ARHGAP39: variants seen among roughly 807,000 people sequenced by gnomAD.
ARHGAP39 encodes rho GTPase-activating protein 39.
In ARHGAP39, 44 loss-of-function variants were observed where a neutral mutation model predicts 106.9. The observed-to-expected ratio is 0.41, with a 90% confidence interval of 0.32 to 0.53. ARHGAP39 has a LOEUF of 0.53. ARHGAP39 is among the 20% of genes least tolerant of loss of function. The pLI, the probability that ARHGAP39 is intolerant of heterozygous loss-of-function variation, is 0.21. For synonymous variants in ARHGAP39, 768 were observed against 693.2 expected, an observed-to-expected ratio of 1.11 and a Z score of -1.69; for missense variants, 1,496 against 1,577.3, an observed-to-expected ratio of 0.95 and a Z score of 0.87.
At chr8:144,627,332 G>C (rs935489720) in intron 1 of ARHGAP39, among the ~76,000 whole-genome samples, 3 of 152,162 alleles carry the variant, frequency 2.0e-5, no homozygotes, top group Non-Finnish European at 4.4e-5. Context: ...GAGGCAGGTG[G>C]ATCACGAGGT....
At chr8:144,579,125 C>G (rs1420618337) in intron 3 of ARHGAP39, among the ~76,000 whole-genome samples, 1 of 147,508 alleles carries the variant, frequency 6.8e-6, no homozygotes, top group Non-Finnish European at 1.5e-5. Flanking sequence ...TGGTGTGAAC[C>G]CGGGAGGCGG....
rs1366909327 is a variant in ARHGAP39, at chr8:144,645,920, G to A, written c.-82+39766C>T. Among the ~76,000 whole-genome samples, 6 of 152,202 alleles carry A rather than the reference G, an allele frequency of 3.9e-5. No homozygotes were observed. In the East Asian group the frequency reaches 5.8e-4, roughly 15 times the overall value. On this transcript the variant is annotated intron_variant, in intron 1 of 11. Transcript: ENST00000377307. The surrounding 1 kb of genome is among the most constrained non-coding windows in gnomAD (Gnocchi z 4.4). ...GCCTGGGTGCTGGTGCAAGGTATGC[G>A]GCAGCAACACCATCTTTAGGATGTC...
At chr8:144,613,757 T>C (rs969371972) in intron 1 of ARHGAP39, among the ~76,000 whole-genome samples, 6 of 152,160 alleles carry the variant, frequency 3.9e-5, no homozygotes, top group African/African-American at 1.4e-4. Context: ...CATGAATCCA[T>C]TGGTCAACAA....
rs759262457 is a variant in ARHGAP39 at position 144,537,806 on chromosome 8, C to T, written c.2529G>A (p.Gln843=). Residue 843 remains glutamine, a synonymous_variant, in exon 7 of 12, where the codon CAG becomes CAA. Transcript: ENST00000377307. ...TTCTTTCCAGGAGCTCTTTTATGTG[C>T]TGTGTCACTGGGGAGCAAAGACAAC... The part of the protein sequence containing the change: ...MDPVNDTKVT[Q]HIKELLERNT... 1.9e-6 allele frequency: 3 copies of T among 1,613,974 alleles called. No individual in the cohort carries two copies. The highest frequency in any genetic ancestry group is 3.3e-5 in the Admixed American group (2 of 60,030).
intron 2 of ARHGAP39, among the ~76,000 whole-genome samples, chr8:144,589,927 G>A (rs143890666): frequency 6.6e-6 from 1 of 152,364 alleles, no homozygotes; most frequent in Non-Finnish European, 1.5e-5. Flanking sequence ...AGATGCGTGG[G>A]AGCCCCGCCC....
At chr8:144,622,585 G>T (rs1239183438) in intron 1 of ARHGAP39, among the ~76,000 whole-genome samples, 1 of 152,164 alleles carries the variant, frequency 6.6e-6, no homozygotes. Flanking sequence ...CCACAGCACC[G>T]ACAGGAGTCA....
Position 144,641,521 on chromosome 8 carries a change from T to C in ARHGAP39, c.-81-35826A>G, listed in dbSNP as rs1011773513. The stretch of plus-strand genomic sequence containing the variant: ...CAGGCAGGGCCCTGGCAGCACCACC[T>C]GACCTGTCTCCTGGCATCCCCTCAG... On this transcript the variant is annotated intron_variant, in intron 1 of 11. Transcript: ENST00000377307. The surrounding 1 kb of genome is among the most constrained non-coding windows in gnomAD (Gnocchi z 5.2). Among the ~76,000 whole-genome samples, 1 of 151,992 alleles carries C rather than the reference T, an allele frequency of 6.6e-6. No individual in the cohort carries two copies. Among genetic ancestry groups the C allele is most frequent in the Admixed American group, 6.5e-5 (1 of 15,270 alleles).
rs938384906 is a variant in ARHGAP39, at chr8:144,644,525, T to C, written c.-81-38830A>G. On this transcript the variant is annotated intron_variant, in intron 1 of 11. Coordinates refer to ENST00000377307, the MANE Select transcript of ARHGAP39 (RefSeq NM_025251.3). This position sits in a 1 kb window ranked among gnomAD's most constrained non-coding sequence, Gnocchi z 4.8. ...GGATTATATACTTGAAATGAGTGAATTTTTTATATATAAATTATACCTCCA... is the reference window on the plus strand; with the variant it reads ...GGATTATATACTTGAAATGAGTGAACTTTTTATATATAAATTATACCTCCA... Among the ~76,000 whole-genome samples, 1 of 152,150 alleles carries C rather than the reference T, an allele frequency of 6.6e-6. No homozygotes were observed. Among genetic ancestry groups the C allele is most frequent in the African/African-American group, 2.4e-5 (1 of 41,430 alleles).
intron 3 of ARHGAP39, 88 bp downstream of exon 3, chr8:144,580,758 G>GGGGGGGCCCCCCCCC: frequency 5.4e-6 from 1 of 185,576 alleles, no homozygotes; most frequent in Non-Finnish European, 1.1e-5. Context: ...CTCTCACCTG[G>GGGGGGGCCCCCCCCC]CCCCGCCCAC....
intron 1 of ARHGAP39, among the ~76,000 whole-genome samples, chr8:144,617,821 G>A (rs900646351): frequency 7.2e-5 from 11 of 152,032 alleles, no homozygotes; most frequent in Non-Finnish European, 1.6e-4. Flanking sequence ...TTGCTCTGTC[G>A]CCCAGGCTGA....
intron 1 of ARHGAP39, among the ~76,000 whole-genome samples, chr8:144,617,614 T>C: frequency 6.6e-6 from 1 of 151,170 alleles, no homozygotes; most frequent in East Asian, 1.9e-4. Flanking sequence ...CAGGAGCAGC[T>C]GAACTCTGCC....
In ARHGAP39 at chr8:144,545,268, G is replaced by A. The variant is rs1176576468; in HGVS notation, c.2502C>T (p.Asp834=). 1.9e-6 allele frequency: 3 copies of A among 1,551,622 alleles called. No individual in the cohort carries two copies. Among genetic ancestry groups the A allele is most frequent in the South Asian group, 2.4e-5 (2 of 84,418 alleles). ...YLEGYIYRHM[D]PVNDTKVTQH... Reference sequence around the variant, plus strand: ...CCTTACCTTTAGTGTCATTGACGGGGTCCATGTGCCGGTAGATGTAGCCTT... The same window carrying A: ...CCTTACCTTTAGTGTCATTGACGGGATCCATGTGCCGGTAGATGTAGCCTT... Residue 834 remains aspartate (D), a synonymous_variant, in exon 6 of 12, where the codon GAC becomes GAT. Coordinates refer to ENST00000377307, the MANE Select transcript of ARHGAP39 (RefSeq NM_025251.3).
chr8:144,534,334 A>T, intron 7 of ARHGAP39, 132 bp from the exon 8 acceptor site: 1 of 905,874 alleles, frequency 1.1e-6, no homozygotes, highest in Non-Finnish European at 1.7e-6. Flanking sequence ...CCCCCTGCCC[A>T]GCACAGCGGG....
At chr8:144,687,821 A>G (rs1375099159), upstream of ARHGAP39, among the ~76,000 whole-genome samples, 2 of 123,386 alleles carry the variant, frequency 1.6e-5, no homozygotes, top group African/African-American at 6.6e-5. Context: ...GGCGGTGAGC[A>G]CTTCCCACCC....
At chr8:144,563,011 T>C (rs1473734540) in intron 3 of ARHGAP39, among the ~76,000 whole-genome samples, 3 of 152,264 alleles carry the variant, frequency 2.0e-5, no homozygotes, top group African/African-American at 7.2e-5. Flanking sequence ...ACTTGCTCTA[T>C]GTGGAACAAC....
chr8:144,562,942 C>G (rs537275469), intron 3 of ARHGAP39, among the ~76,000 whole-genome samples: 4 of 152,386 alleles, frequency 2.6e-5, no homozygotes, highest in Admixed American at 1.3e-4. Context: ...GTTACTGGTA[C>G]TGCTATGTTT....
rs940275658 is a variant in ARHGAP39, at chr8:144,684,233, C to G, written c.-82+1453G>C. On this transcript the variant is annotated intron_variant, in intron 1 of 11. Transcript: ENST00000377307. This position sits in a 1 kb window ranked among gnomAD's most constrained non-coding sequence, Gnocchi z 4.4. The stretch of plus-strand genomic sequence containing the variant: ...CAAGCATTTATGGCTACAGAGCCTG[C>G]GCCCAGGGCGGTTTATGGAATGAGT... 6.6e-6 allele frequency among the ~76,000 whole-genome samples: 1 copy of G among 152,190 alleles called. No homozygotes were observed. Among genetic ancestry groups the G allele is most frequent in the Non-Finnish European group, 1.5e-5 (1 of 68,034 alleles).
chr8:144,693,531 C>A, the ARHGAP39 span, among the ~76,000 whole-genome samples: 95 of 151,932 alleles, frequency 6.3e-4, no homozygotes, highest in Non-Finnish European at 1.2e-3. Context: ...CCGCTGCCAC[C>A]CCTGGCTAAT....
intron 1 of ARHGAP39, among the ~76,000 whole-genome samples, chr8:144,623,334 T>C (rs1820852219): frequency 6.6e-6 from 1 of 152,176 alleles, no homozygotes. Flanking sequence ...AATTTAAATA[T>C]AATAATTACA....
Sources: allele counts gnomAD v4.1 joint callset (sites outside exome capture counted in the v4.1 genomes callset), GRCh38; gene constraint gnomAD v4.1.1; non-coding constraint Gnocchi (gnomAD v3.1); transcripts MANE v1.5; gene names NCBI Gene and HGNC (gene_info 2026-07-23, HGNC 2026-07-21).